Variants in GCLC observed in about 807,000 individuals in gnomAD.
The protein encoded by GCLC is glutamate-cysteine ligase catalytic subunit.
A neutral mutation model predicts 81.5 loss-of-function variants in GCLC; 30 were observed. The observed-to-expected ratio is 0.37, with a 90% confidence interval of 0.28 to 0.50. The LOEUF (loss-of-function observed/expected upper bound fraction) is 0.50, where lower values mean the gene tolerates loss of function less well. GCLC is among the 20% of genes least tolerant of loss of function. The pLI is 0.96. For missense variants in GCLC, 556 were observed against 777.4 expected (o/e 0.72, Z 3.39); for synonymous variants, 262 against 273.3 (o/e 0.96, Z 0.41).
At chr6:53,511,934 C>A (rs1764758826) in intron 6 of GCLC, among the ~76,000 whole-genome samples, 1 of 142,980 alleles carries the variant, frequency 7.0e-6, no homozygotes, top group South Asian at 2.3e-4. Flanking sequence ...CATAACCTGT[C>A]ATGAACTTAG....
At chr6:53,526,935 C>T (rs1210758586) in intron 1 of GCLC, among the ~76,000 whole-genome samples, 2 of 152,078 alleles carry the variant, frequency 1.3e-5, no homozygotes, top group Non-Finnish European at 1.5e-5. Context: ...AGAGCAGTTA[C>T]AGGCAGTTCC....
intron 3 of GCLC, 46 bp downstream of exon 3, chr6:53,520,732 T>A: frequency 6.7e-7 from 1 of 1,501,624 alleles, no homozygotes; most frequent in Non-Finnish European, 9.3e-7. Context: ...TTTCATTACC[T>A]GTATCTCTGA....
At chr6:53,520,983 T>A in intron 2 of GCLC, 23 bp from the exon 3 acceptor site, 1 of 1,578,324 alleles carries the variant, frequency 6.3e-7, no homozygotes, top group Non-Finnish European at 8.7e-7. Context: ...AATAACTTAG[T>A]TCCATCTTAT....
chr6:53,516,286 T>C (rs1764870461), intron 3 of GCLC, 64 bp from the exon 4 acceptor site: 2 of 1,019,682 alleles, frequency 2.0e-6, no homozygotes, highest in East Asian at 4.8e-5. Flanking sequence ...TGTGCAGTCT[T>C]GCCATCACTG....
At chr6:53,507,713 A>C in intron 8 of GCLC, 95 bp from the exon 9 acceptor site, 2 of 535,618 alleles carry the variant, frequency 3.7e-6, no homozygotes, top group East Asian at 3.4e-5. Flanking sequence ...TCAACATAAG[A>C]TACAGAAAAA....
At chr6:53,528,896 A>G (rs1201637146) in intron 1 of GCLC, among the ~76,000 whole-genome samples, 1 of 152,206 alleles carries the variant, frequency 6.6e-6, no homozygotes, top group African/African-American at 2.4e-5. Flanking sequence ...ATGAGTCCCA[A>G]GAGAAAAATT....
At chr6:53,512,922 T>G (rs1561942163) in intron 6 of GCLC, 2 of 152,226 alleles carry the variant, frequency 1.3e-5, no homozygotes, top group African/African-American at 4.8e-5. Context: ...CTCTAGAACT[T>G]AATGGTTTTC....
intron 8 of GCLC, 136 bp from the exon 9 acceptor site, chr6:53,507,754 G>T: frequency 2.4e-6 from 1 of 411,706 alleles, no homozygotes. Context: ...GTATTATTAA[G>T]GAAAATTATG....
In GCLC at chr6:53,506,739, G is replaced by A. The variant is rs1006949285; in HGVS notation, c.1197+174C>T. 29 of 601,738 alleles carry A rather than the reference G, an allele frequency of 4.8e-5. No individual in the cohort carries two copies. The highest frequency in any genetic ancestry group is 8.4e-5 in the Non-Finnish European group (28 of 334,722). 37.3% of individuals were successfully genotyped at this position (601,738 alleles called of 1,614,324 possible). A position where few individuals can be genotyped will look rare whatever the true frequency, so the allele number is the denominator to read the frequency against. ...TGAAACCGATTTTTTATTTGTCCAA[G>A]TTCTTTACTGCACTGGGTAAATGAA... On this transcript the variant is annotated intron_variant, in intron 10 of 15. Transcript: ENST00000650454. The surrounding 1 kb of genome is among the most constrained non-coding windows in gnomAD (Gnocchi z 4.0).
In GCLC at chr6:53,544,993, T is replaced by A. The variant is rs1763428038; in HGVS notation, c.-348A>T. On this transcript the variant is annotated 5_prime_UTR_variant, in exon 1 of 16. Transcript: ENST00000650454. ...CCCACGGCCGCGCTGCCGCGGCGGC[T>A]CCCGCTTCTCTTTGCCGGTCTGGTG... 5.5e-6 allele frequency: 1 copy of A among 183,348 alleles called. No homozygotes were observed. Among genetic ancestry groups the A allele is most frequent in the Non-Finnish European group, 1.1e-5 (1 of 89,088 alleles). 11.4% of individuals were successfully genotyped at this position (183,348 alleles called of 1,614,324 possible).
At chr6:53,540,259 C>T (rs1168302367) in intron 1 of GCLC, among the ~76,000 whole-genome samples, 1 of 149,164 alleles carries the variant, frequency 6.7e-6, no homozygotes, top group East Asian at 2.0e-4. Flanking sequence ...GACAACTAAA[C>T]GTTCACTGAC....
At chr6:53,522,304 G>A in intron 2 of GCLC, 111 bp downstream of exon 2, 2 of 737,670 alleles carry the variant, frequency 2.7e-6, no homozygotes, top group South Asian at 1.4e-5. Context: ...TGAAACCAGA[G>A]CCTGTACTCT....
chr6:53,502,939 T>C (rs899162180), intron 12 of GCLC, among the ~76,000 whole-genome samples: 10 of 152,218 alleles, frequency 6.6e-5, no homozygotes, highest in African/African-American at 2.4e-4. Context: ...TTAATAGTTT[T>C]CCTTAAAGAG....
At chr6:53,522,354 ACT>A (rs1763013492) in intron 2 of GCLC, 59 bp downstream of exon 2, 4 of 980,366 alleles carry the variant, frequency 4.1e-6, no homozygotes, top group Non-Finnish European at 6.6e-6. Context: ...TTGAGAAAAA[ACT>A]CTATATTCTA....
chr6:53,532,931 G>A (rs759760541), intron 1 of GCLC, among the ~76,000 whole-genome samples: 6 of 152,170 alleles, frequency 3.9e-5, no homozygotes, highest in Admixed American at 6.5e-5. Flanking sequence ...GCTCTTTAGA[G>A]ATCATCCATC....
intron 1 of GCLC, among the ~76,000 whole-genome samples, chr6:53,536,738 T>G (rs918641571): frequency 6.6e-6 from 1 of 152,204 alleles, no homozygotes; most frequent in Non-Finnish European, 1.5e-5. Context: ...CTCAGGTTTA[T>G]GCTTCAAAAT....
chr6:53,533,028 A>G (rs1385996148), intron 1 of GCLC, among the ~76,000 whole-genome samples: 5 of 152,206 alleles, frequency 3.3e-5, no homozygotes, highest in Admixed American at 3.3e-4. Context: ...GATATATCAA[A>G]TATGAACTCT....
In GCLC at chr6:53,545,094, C is replaced by T. The variant is rs1474441001; in HGVS notation, c.-449G>A. 1 of 154,112 alleles carries T rather than the reference C, an allele frequency of 6.5e-6. No homozygotes were observed. The highest frequency in any genetic ancestry group is 2.4e-5 in the African/African-American group (1 of 41,544). 9.5% of individuals were successfully genotyped at this position (154,112 alleles called of 1,614,324 possible). On this transcript the variant is annotated 5_prime_UTR_variant, in exon 1 of 16. Transcript: ENST00000650454. ...CCCAGTCTTTGCGTCCGCTAGCTCG[C>T]CGCTCCTGGGCGCGATCCTGCGCTC... is the stretch of plus-strand genomic sequence containing the variant.
At chr6:53,510,902 G>A (rs1399411020) in intron 6 of GCLC, among the ~76,000 whole-genome samples, 1 of 152,116 alleles carries the variant, frequency 6.6e-6, no homozygotes, top group Non-Finnish European at 1.5e-5. Flanking sequence ...AAGAATAAGA[G>A]TTTCAAAGGT....
Sources: gnomAD v4.1 joint callset for allele counts (sites outside exome capture counted in the v4.1 genomes callset) on GRCh38, gnomAD v4.1.1 for gene constraint, Gnocchi (gnomAD v3.1) non-coding constraint, MANE v1.5 for transcripts, NCBI Gene and HGNC (gene_info 2026-07-23, HGNC 2026-07-21) for gene names.